Variants in TRIM54 observed in about 807,000 individuals in gnomAD.
TRIM54 encodes the protein tripartite motif-containing protein 54.
Under a neutral mutation model 42.0 loss-of-function variants are expected in TRIM54, and 40 were observed. That is an observed-to-expected ratio of 0.95 (90% confidence interval 0.74 to 1.24). The LOEUF (loss-of-function observed/expected upper bound fraction) is 1.24. Ranked by LOEUF, TRIM54 falls within the 50% of genes most tolerant of loss-of-function variation. The pLI, the probability that TRIM54 is intolerant of heterozygous loss-of-function variation, is 0.00. For synonymous variants in TRIM54, 199 were observed against 194.9 expected (o/e 1.02, Z -0.17); for missense variants, 485 against 480.3 (o/e 1.01, Z -0.09).
rs1369255208 is a variant in TRIM54 at position 27,304,942 on chromosome 2, A to G, written c.514-17A>G. 1 of 1,612,432 alleles carries G rather than the reference A, an allele frequency of 6.2e-7. No individual in the cohort carries two copies. Among genetic ancestry groups the G allele is most frequent in the Admixed American group, 1.7e-5 (1 of 59,862 alleles). On this transcript the variant is annotated splice_polypyrimidine_tract_variant and intron_variant, in intron 3 of 8. Transcript: ENST00000380075. ...GGCCAGGTCCCAGCTCTGAGTGCTG[A>G]CCTGTGTGTGTATCAGAGTGAGCTC...
chr2:27,306,738 CACCCGCTG>C lies in TRIM54; in HGVS notation c.*2-148_*2-141del, dbSNP rs1393135982. On this transcript the variant is annotated intron_variant, in intron 8 of 8. Transcript: ENST00000380075. This position sits in a 1 kb window ranked among gnomAD's most constrained non-coding sequence, Gnocchi z 6.1. ...GGGCGGAAAAGTACACTTTCCTCCT[CACCCGCTG>C]TTCCTCTGGGGTGCTGGGAGGGCAG... The C allele has an allele frequency of 1.6e-6, 1 of 613,268 alleles. No individual in the cohort carries two copies. Among genetic ancestry groups the C allele is most frequent in the Admixed American group, 3.1e-5 (1 of 32,404 alleles). The allele number at this position is 613,268 out of a possible 1,614,324, so 38.0% of individuals were successfully genotyped here. A position where few individuals can be genotyped will look rare whatever the true frequency, so the allele number is the denominator to read the frequency against.
At chr2:27,284,935 G>A (rs1007353452) in intron 1 of TRIM54, among the ~76,000 whole-genome samples, 4 of 152,164 alleles carry the variant, frequency 2.6e-5, no homozygotes, top group Admixed American at 6.5e-5. Flanking sequence ...CTCTATCCAA[G>A]CACACTGTTT....
chr2:27,283,998 T>C (rs1678485864), intron 1 of TRIM54, among the ~76,000 whole-genome samples: 1 of 152,058 alleles, frequency 6.6e-6, no homozygotes, highest in African/African-American at 2.4e-5. Flanking sequence ...CCGGGCGTGG[T>C]TGCAGGCGCC....
chr2:27,295,132 C>T (rs190854209), intron 1 of TRIM54, among the ~76,000 whole-genome samples: 59 of 151,668 alleles, frequency 3.9e-4, no homozygotes, highest in Admixed American at 2.5e-3. Flanking sequence ...ATGGCGCAAT[C>T]TCGGCTCATT....
rs1334079301 is a variant in TRIM54 at position 27,306,536 on chromosome 2, C to T, written c.1072C>T (p.Pro358Ser). The change falls in exon 8 of 9, where the codon CCT becomes TCT. Residue 358 changes from proline (P) to serine (S), a missense_variant. Pro to Ser is a moderately conservative substitution (Grantham distance 74). Transcript: ENST00000380075. This position sits in a 1 kb window ranked among gnomAD's most constrained non-coding sequence, Gnocchi z 6.1. ...GCCGGAGGAAGAGCGGCCGGATGGGCCTTAAGGTGAGAGCCGCCCGATGGG... is the reference window on the plus strand; with the variant it reads ...GCCGGAGGAAGAGCGGCCGGATGGGTCTTAAGGTGAGAGCCGCCCGATGGG... ...AGPEEERPDGP is the reference protein window; with the variant it reads ...AGPEEERPDGS 2.6e-6 allele frequency: 4 copies of T among 1,549,578 alleles called. No individual in the cohort carries two copies. Among genetic ancestry groups the T allele is most frequent in the Non-Finnish European group, 3.5e-6 (4 of 1,146,870 alleles).
At chr2:27,305,965 A>G (rs1053543401) in intron 5 of TRIM54, 115 bp from the exon 6 acceptor site, 3 of 1,463,880 alleles carry the variant, frequency 2.0e-6, no homozygotes, top group African/African-American at 1.4e-5. Flanking sequence ...TTTTCTGCTT[A>G]ACGAATTGGG....
chr2:27,289,720 G>A (rs538902007), intron 1 of TRIM54, among the ~76,000 whole-genome samples: 9 of 151,842 alleles, frequency 5.9e-5, no homozygotes, highest in Admixed American at 5.9e-4. Flanking sequence ...GCTATTGGGG[G>A]AAATGTCTAA....
intron 1 of TRIM54, among the ~76,000 whole-genome samples, chr2:27,283,772 A>ACACG (rs1678462378): frequency 6.2e-5 from 7 of 112,088 alleles, no homozygotes; most frequent in African/African-American, 2.8e-4. Flanking sequence ...AGGCACACAC[A>ACACG]CACACACGCG....
intron 1 of TRIM54, among the ~76,000 whole-genome samples, chr2:27,297,892 G>T (rs1294093915): frequency 6.8e-6 from 1 of 147,172 alleles, no homozygotes; most frequent in African/African-American, 2.5e-5. Flanking sequence ...GAGATGGGAG[G>T]ATTGCTTGAG....
chr2:27,301,533 G>T (rs1470093657), intron 3 of TRIM54, among the ~76,000 whole-genome samples: 2 of 152,184 alleles, frequency 1.3e-5, no homozygotes, highest in Non-Finnish European at 2.9e-5. Context: ...ACGGTCACTT[G>T]CTGACATTGC....
intron 1 of TRIM54, among the ~76,000 whole-genome samples, chr2:27,287,803 A>G (rs1031543838): frequency 6.6e-6 from 1 of 152,266 alleles, no homozygotes; most frequent in Non-Finnish European, 1.5e-5. Flanking sequence ...CTCTGGGGTT[A>G]TAGGCGTGAG....
At position 27,306,284 on chromosome 2, in the gene TRIM54, C is replaced by T; in HGVS notation, c.938C>T (p.Thr313Ile). The T allele has an allele frequency of 6.2e-7, 1 of 1,614,100 alleles. No individual in the cohort carries two copies. Among genetic ancestry groups the T allele is most frequent in the Non-Finnish European group, 8.5e-7 (1 of 1,179,996 alleles). ...EPGYESMEQFTVRVEHVAEML... is the reference protein window; with the variant it reads ...EPGYESMEQFIVRVEHVAEML... ...GGCTATGAGAGCATGGAGCAATTCACCGTAAGGGTGGAGCACGTGGCCGAA... is the reference window on the plus strand; with the variant it reads ...GGCTATGAGAGCATGGAGCAATTCATCGTAAGGGTGGAGCACGTGGCCGAA... Residue 313 changes from threonine to isoleucine, a missense_variant, in exon 7 of 9, where the codon ACC (threonine) becomes ATC (isoleucine). By Grantham distance (89) the Thr-to-Ile change is moderately conservative. Coordinates refer to ENST00000380075, the MANE Select transcript of TRIM54 (RefSeq NM_187841.3). The surrounding 1 kb of genome is among the most constrained non-coding windows in gnomAD (Gnocchi z 6.1).
chr2:27,284,148 AAAAC>A (rs1043482503), intron 1 of TRIM54, among the ~76,000 whole-genome samples: 5 of 152,136 alleles, frequency 3.3e-5, no homozygotes, highest in Admixed American at 1.3e-4. Context: ...AACAAAAACA[AAAAC>A]AAACCCCGAA....
chr2:27,290,721 A>G (rs1378312405), intron 1 of TRIM54, among the ~76,000 whole-genome samples: 1 of 152,248 alleles, frequency 6.6e-6, no homozygotes, highest in African/African-American at 2.4e-5. Flanking sequence ...CTGTAATGCG[A>G]TATGAAAACA....
chr2:27,284,907 C>A (rs897471486), intron 1 of TRIM54, among the ~76,000 whole-genome samples: 4 of 152,184 alleles, frequency 2.6e-5, no homozygotes, highest in African/African-American at 4.8e-5. Flanking sequence ...AAGTGACCTG[C>A]TTATTTAAGT....
At chr2:27,283,311 A>G (rs1279142242) in intron 1 of TRIM54, among the ~76,000 whole-genome samples, 1 of 152,208 alleles carries the variant, frequency 6.6e-6, no homozygotes, top group Non-Finnish European at 1.5e-5. Context: ...TAAAAAACAA[A>G]CAAACAAAAC....
At chr2:27,304,229 TAG>T (rs1679117735) in intron 3 of TRIM54, among the ~76,000 whole-genome samples, 29 of 87,118 alleles carry the variant, frequency 3.3e-4, no homozygotes, top group Admixed American at 3.2e-4. Flanking sequence ...TATATATAGA[TAG>T]ATAGATAGAT....
rs1175190219 is a variant in TRIM54, at chr2:27,299,239, C to T, written c.342-6C>T. 3 of 1,613,694 alleles carry T rather than the reference C, an allele frequency of 1.9e-6. No individual in the cohort carries two copies. Among genetic ancestry groups the T allele is most frequent in the East Asian group, 2.2e-5 (1 of 44,884 alleles). The stretch of plus-strand genomic sequence containing the variant: ...GGTCCACCTCCCCCTGCCCACTCCT[C>T]TCTAGGCCGCTGCACTCCAAGGCTG... On this transcript the variant is annotated splice_polypyrimidine_tract_variant and splice_region_variant and intron_variant, in intron 2 of 8. Coordinates refer to ENST00000380075, the MANE Select transcript of TRIM54 (RefSeq NM_187841.3).
At chr2:27,285,760 T>C (rs573864624) in intron 1 of TRIM54, among the ~76,000 whole-genome samples, 1 of 152,344 alleles carries the variant, frequency 6.6e-6, no homozygotes, top group South Asian at 2.1e-4. Context: ...TTCATTGTTA[T>C]GACTGGACCA....
Sources: allele counts gnomAD v4.1 joint callset (sites outside exome capture counted in the v4.1 genomes callset), GRCh38; gene constraint gnomAD v4.1.1; non-coding constraint Gnocchi (gnomAD v3.1); transcripts MANE v1.5; gene names NCBI Gene and HGNC (gene_info 2026-07-23, HGNC 2026-07-21).